EXOC8: variants seen among roughly 807,000 people sequenced by gnomAD.
EXOC8 encodes exocyst complex component 8.
A neutral mutation model predicts 50.8 loss-of-function variants in EXOC8; 19 were observed. The ratio of observed to expected loss-of-function variants is 0.37; its 90% CI spans 0.26 to 0.55. The LOEUF (loss-of-function observed/expected upper bound fraction) is 0.55, where lower values mean the gene tolerates loss of function less well. Among genes scored for constraint, EXOC8 ranks in the 20% least tolerant of loss-of-function variants. The pLI is 0.80. For synonymous variants in EXOC8, 384 were observed against 367.9 expected (o/e 1.04, Z -0.50); for missense variants, 781 against 915.8 (o/e 0.85, Z 1.90).
In EXOC8 at chr1:231,336,410, G is replaced by T. The variant is rs757532802; in HGVS notation, c.1336C>A (p.Leu446Ile). The T allele has an allele frequency of 6.2e-7, 1 of 1,614,066 alleles. No individual in the cohort carries two copies. The highest frequency in any genetic ancestry group is 1.1e-5 in the South Asian group (1 of 91,086). ...AAAVHTAIRQLRIEGATLLYI... is the reference protein window; with the variant it reads ...AAAVHTAIRQIRIEGATLLYI... ...AGTAAAGTGGCACCTTCGATGCGAA[G>T]CTGACGAATTGCAGTATGAACAGCG... The change falls in exon 1 of 1, where the codon CTT becomes ATT. Residue 446 changes from leucine (L) to isoleucine (I), a missense_variant. By Grantham distance (5) the Leu-to-Ile change is conservative. Coordinates refer to ENST00000366645, the MANE Select transcript of EXOC8 (RefSeq NM_175876.5). The surrounding 1 kb of genome is among the most constrained non-coding windows in gnomAD (Gnocchi z 5.4).
Position 231,337,800 on chromosome 1 carries a change from C to T in EXOC8, c.-55G>A, listed in dbSNP as rs1686721185. ...ACTATCGGCGCCGCAGCCGCCGCGG[C>T]TGTCTAGACCCACCCAAGGCCAACC... On this transcript the variant is annotated 5_prime_UTR_variant, in exon 1 of 1. Transcript: ENST00000366645. This position sits in a 1 kb window ranked among gnomAD's most constrained non-coding sequence, Gnocchi z 5.9. 1.3e-6 allele frequency: 2 copies of T among 1,526,874 alleles called. No individual in the cohort carries two copies. Among genetic ancestry groups the T allele is most frequent in the Admixed American group, 4.3e-5 (2 of 46,042 alleles). 94.6% of individuals were successfully genotyped at this position (1,526,874 alleles called of 1,614,324 possible).
chr1:231,335,677 T>G lies in EXOC8; in HGVS notation c.2069A>C (p.Glu690Ala). 2 of 1,614,198 alleles carry G rather than the reference T, an allele frequency of 1.2e-6. No individual in the cohort carries two copies. Among genetic ancestry groups the G allele is most frequent in the East Asian group, 4.5e-5 (2 of 44,886 alleles). The part of the protein sequence containing the change: ...FLYETVLPVV[E>A]KRFEEGVGKP... Reference sequence around the variant, plus strand: ...CCCCACACCTTCTTCAAACCTTTTCTCCACCACAGGGAGGACTGTTTCATA... The same window carrying G: ...CCCCACACCTTCTTCAAACCTTTTCGCCACCACAGGGAGGACTGTTTCATA... The change falls in exon 1 of 1, where the codon GAG becomes GCG. Residue 690 changes from glutamate (E) to alanine (A), a missense_variant. Physicochemically the swap from Glu to Ala is moderately radical, Grantham distance 107. Coordinates refer to ENST00000366645, the MANE Select transcript of EXOC8 (RefSeq NM_175876.5).
Position 231,337,180 on chromosome 1 carries a change from A to G in EXOC8, c.566T>C (p.Leu189Pro). 6.2e-7 allele frequency: 1 copy of G among 1,614,106 alleles called. No homozygotes were observed. The highest frequency in any genetic ancestry group is 8.5e-7 in the Non-Finnish European group (1 of 1,180,032). Residue 189 changes from leucine to proline, a missense_variant, in exon 1 of 1, where the codon CTA (leucine) becomes CCA (proline). By Grantham distance (98) the Leu-to-Pro change is moderately conservative. Around this residue, in one of 3 missense-constraint regions of EXOC8, gnomAD observed 700 missense variants for 804.1 expected, o/e 0.87. Transcript: ENST00000366645. The surrounding 1 kb of genome is among the most constrained non-coding windows in gnomAD (Gnocchi z 5.9). ...PGQYLVYNGD[L>P]VEYDADHMAQ... is the part of the protein sequence containing the mutation. ...CATGTGGTCCGCATCGTATTCCACTAGGTCCCCATTGTACACCAAGTACTG... is the reference window on the plus strand; with the variant it reads ...CATGTGGTCCGCATCGTATTCCACTGGGTCCCCATTGTACACCAAGTACTG...
chr1:231,333,524 A>T lies in EXOC8; in HGVS notation c.*2044T>A, dbSNP rs1226870373. 1 of 152,648 alleles carries T rather than the reference A, an allele frequency of 6.6e-6. No individual in the cohort carries two copies. Among genetic ancestry groups the T allele is most frequent in the Non-Finnish European group, 1.5e-5 (1 of 68,030 alleles). 9.5% of individuals were successfully genotyped at this position (152,648 alleles called of 1,614,324 possible). A position where few individuals can be genotyped will look rare whatever the true frequency, so the allele number is the denominator to read the frequency against. ...TGATTTCAGAAGTATCATTCCACAGACTCAGCATCATATATTTATACATAT... is the reference window on the plus strand; with the variant it reads ...TGATTTCAGAAGTATCATTCCACAGTCTCAGCATCATATATTTATACATAT... On this transcript the variant is annotated 3_prime_UTR_variant, in exon 1 of 1. Transcript: ENST00000366645.
chr1:231,334,537 T>C lies in EXOC8; in HGVS notation c.*1031A>G, dbSNP rs1686624799. The C allele has an allele frequency of 1.3e-5, 2 of 152,220 alleles. No homozygotes were observed. The highest frequency in any genetic ancestry group is 4.8e-5 in the African/African-American group (2 of 41,454). 9.4% of individuals were successfully genotyped at this position (152,220 alleles called of 1,614,324 possible). A position where few individuals can be genotyped will look rare whatever the true frequency, so the allele number is the denominator to read the frequency against. On this transcript the variant is annotated 3_prime_UTR_variant, in exon 1 of 1. Coordinates refer to ENST00000366645, the MANE Select transcript of EXOC8 (RefSeq NM_175876.5). Reference sequence around the variant, plus strand: ...CCCAATGTGTCTTGCTTATTATTTTTTAAAATGTGACAAAGACAAAAGCTA... The same window carrying C: ...CCCAATGTGTCTTGCTTATTATTTTCTAAAATGTGACAAAGACAAAAGCTA...
rs943359564 is a variant in EXOC8 at position 231,336,775 on chromosome 1, T to G, written c.971A>C (p.Glu324Ala). The change falls in exon 1 of 1, where the codon GAG (glutamate) becomes GCG (alanine). Residue 324 changes from glutamate (E) to alanine (A), a missense_variant. Around this residue, in one of 3 missense-constraint regions of EXOC8, gnomAD observed 700 missense variants for 804.1 expected, o/e 0.87. Coordinates refer to ENST00000366645, the MANE Select transcript of EXOC8 (RefSeq NM_175876.5). The surrounding 1 kb of genome is among the most constrained non-coding windows in gnomAD (Gnocchi z 5.4). Reference sequence around the variant, plus strand: ...GAGGTCCACCTTCTCTTCCTCTACCTCAGGAACAGCTGGTTCTTCTTCTTC... The same window carrying G: ...GAGGTCCACCTTCTCTTCCTCTACCGCAGGAACAGCTGGTTCTTCTTCTTC... ...DDEEEEPAVP[E>A]VEEEKVDLSM... 2.5e-6 allele frequency: 4 copies of G among 1,614,186 alleles called. No individual in the cohort carries two copies. Among genetic ancestry groups the G allele is most frequent in the Non-Finnish European group, 8.5e-7 (1 of 1,180,044 alleles).
rs1442330796 is a variant in EXOC8, at chr1:231,336,147, A to G, written c.1599T>C (p.Gly533=). ...KVAKEHCQQL[G]DIGLDLTFII... Reference sequence around the variant, plus strand: ...TGAAGGTGAGATCCAGTCCGATATCACCCAGTTGCTGGCAATGCTCCTTAG... The same window carrying G: ...TGAAGGTGAGATCCAGTCCGATATCGCCCAGTTGCTGGCAATGCTCCTTAG... Residue 533 remains glycine, a synonymous_variant, in exon 1 of 1, where the codon GGT becomes GGC. Transcript: ENST00000366645. This position sits in a 1 kb window ranked among gnomAD's most constrained non-coding sequence, Gnocchi z 5.4. 2 of 1,614,020 alleles carry G rather than the reference A, an allele frequency of 1.2e-6. No individual in the cohort carries two copies. Among genetic ancestry groups the G allele is most frequent in the Non-Finnish European group, 1.7e-6 (2 of 1,180,030 alleles).
In EXOC8 at chr1:231,334,789, T is replaced by G. The variant is rs1219694166; in HGVS notation, c.*779A>C. ...TATCTGAATCCACAAACCAGCTAGT[T>G]TCAAGAAAGAATTCTTTTGACTAAA... is the stretch of plus-strand genomic sequence containing the variant. On this transcript the variant is annotated 3_prime_UTR_variant, in exon 1 of 1. Coordinates refer to ENST00000366645, the MANE Select transcript of EXOC8 (RefSeq NM_175876.5). The G allele has an allele frequency of 6.6e-6, 1 of 152,194 alleles. No homozygotes were observed. Among genetic ancestry groups the G allele is most frequent in the African/African-American group, 2.4e-5 (1 of 41,458 alleles). The allele number at this position is 152,194 out of a possible 1,614,324, so 9.4% of individuals were successfully genotyped here.
rs537820933 is a variant in EXOC8, at chr1:231,335,016, GA to G, written c.*551del. 8.9e-3 allele frequency: 1,325 copies of G among 148,066 alleles called. 11 individuals carry two copies. Among genetic ancestry groups the G allele is most frequent in the Non-Finnish European group, 0.012 (825 of 67,278 alleles). The allele number at this position is 148,066 out of a possible 1,614,324, so 9.2% of individuals were successfully genotyped here. On this transcript the variant is annotated 3_prime_UTR_variant, in exon 1 of 1. Coordinates refer to ENST00000366645, the MANE Select transcript of EXOC8 (RefSeq NM_175876.5). The stretch of plus-strand genomic sequence containing the variant: ...ACTGCTGTATAATATATACTGTGGG[GA>G]AAAAAAAAAAGAAGAAAGAAAAGAC...
In EXOC8 at chr1:231,337,739, T is replaced by C; in HGVS notation, c.7A>G (p.Met3Val). The C allele has an allele frequency of 6.3e-7, 1 of 1,595,354 alleles. No individual in the cohort carries two copies. The highest frequency in any genetic ancestry group is 8.5e-7 in the Non-Finnish European group (1 of 1,171,618). MA[M>V]AMSDSGASRL... is the part of the protein sequence containing the mutation. Reference sequence around the variant, plus strand: ...CTCGCCCCACTGTCCGACATCGCCATCGCCATTTCTCTCCGGGTCTCACGC... The same window carrying C: ...CTCGCCCCACTGTCCGACATCGCCACCGCCATTTCTCTCCGGGTCTCACGC... Residue 3 changes from methionine (M) to valine (V), a missense_variant, in exon 1 of 1, where the codon ATG (methionine) becomes GTG (valine). Around this residue, in one of 3 missense-constraint regions of EXOC8, gnomAD observed 700 missense variants for 804.1 expected, o/e 0.87. Coordinates refer to ENST00000366645, the MANE Select transcript of EXOC8 (RefSeq NM_175876.5). This position sits in a 1 kb window ranked among gnomAD's most constrained non-coding sequence, Gnocchi z 5.9.
chr1:231,337,622 G>A lies in EXOC8; in HGVS notation c.124C>T (p.Gln42Ter). 1 of 1,611,598 alleles carries A rather than the reference G, an allele frequency of 6.2e-7. No individual in the cohort carries two copies. Among genetic ancestry groups the A allele is most frequent in the Non-Finnish European group, 8.5e-7 (1 of 1,179,986 alleles). Reference protein sequence around the residue: ...SQQSDGDRDLQEHRQRIQALA... With the variant: ...SQQSDGDRDL The stretch of plus-strand genomic sequence containing the variant: ...GCCTGGATGCGCTGCCGGTGCTCCT[G>A]GAGGTCCCGGTCCCCATCCGACTGC... The change falls in exon 1 of 1, where the codon CAG (glutamine) becomes TAG (stop). Residue 42 changes from glutamine to a stop codon, truncating the protein, a stop_gained. Transcript: ENST00000366645. LOFTEE classifies it high-confidence loss of function. This position sits in a 1 kb window ranked among gnomAD's most constrained non-coding sequence, Gnocchi z 5.9.
rs1187273940 is a variant in EXOC8 at position 231,337,112 on chromosome 1, A to C, written c.634T>G (p.Leu212Val). The C allele has an allele frequency of 6.2e-7, 1 of 1,614,050 alleles. No individual in the cohort carries two copies. Among genetic ancestry groups the C allele is most frequent in the African/African-American group, 1.3e-5 (1 of 74,938 alleles). The change falls in exon 1 of 1, where the codon TTG (leucine) becomes GTG (valine). Residue 212 changes from leucine (L) to valine (V), a missense_variant. Physicochemically the swap from Leu to Val is conservative, Grantham distance 32 (BLOSUM62 1). Coordinates refer to ENST00000366645, the MANE Select transcript of EXOC8 (RefSeq NM_175876.5). This position sits in a 1 kb window ranked among gnomAD's most constrained non-coding sequence, Gnocchi z 5.9. ...RVHGFLMNDC[L>V]LVATWLPQRR... ...TGAGGCAGCCAGGTAGCCACCAACA[A>C]GCAATCGTTCATGAGAAAGCCGTGC... is the stretch of plus-strand genomic sequence containing the variant.
chr1:231,336,657 C>T lies in EXOC8; in HGVS notation c.1089G>A (p.Leu363=). Residue 363 remains leucine (L), a synonymous_variant, in exon 1 of 1, where the codon TTG becomes TTA. Coordinates refer to ENST00000366645, the MANE Select transcript of EXOC8 (RefSeq NM_175876.5). The surrounding 1 kb of genome is among the most constrained non-coding windows in gnomAD (Gnocchi z 5.4). ...FEGAVDLLDK[L]NHYLEDKPSP... is the part of the protein sequence containing the mutation. ...TAGGTTTATCTTCCAGGTAATGGTT[C>T]AATTTATCCAGCAGGTCAACCGCCC... is the stretch of plus-strand genomic sequence containing the variant. 1 of 1,614,210 alleles carries T rather than the reference C, an allele frequency of 6.2e-7. No individual in the cohort carries two copies. The highest frequency in any genetic ancestry group is 8.5e-7 in the Non-Finnish European group (1 of 1,180,040).
In EXOC8 at chr1:231,337,562, T is replaced by A. The variant is rs1452812693; in HGVS notation, c.184A>T (p.Asn62Tyr). The A allele has an allele frequency of 6.2e-7, 1 of 1,613,048 alleles. No homozygotes were observed. Among genetic ancestry groups the A allele is most frequent in the Admixed American group, 1.7e-5 (1 of 59,998 alleles). ...AACTGCCGGTAGTTCTGGTAGACGT[T>A]GCGCTTCAGGTTCTGCGCCGTCTCC... The part of the protein sequence containing the change: ...AEETAQNLKR[N>Y]VYQNYRQFIE... Residue 62 changes from asparagine (N) to tyrosine (Y), a missense_variant, in exon 1 of 1, where the codon AAC (asparagine) becomes TAC (tyrosine). This residue lies in a region of EXOC8 where 700 missense variants were observed against 804.1 expected (regional missense o/e 0.87). Coordinates refer to ENST00000366645, the MANE Select transcript of EXOC8 (RefSeq NM_175876.5). The surrounding 1 kb of genome is among the most constrained non-coding windows in gnomAD (Gnocchi z 5.9).
rs773167890 is a variant in EXOC8, at chr1:231,336,850, C to G, written c.896G>C (p.Arg299Pro). 6.2e-7 allele frequency: 1 copy of G among 1,614,084 alleles called. No individual in the cohort carries two copies. The highest frequency in any genetic ancestry group is 8.5e-7 in the Non-Finnish European group (1 of 1,180,034). ...RREQEEAAAP[R>P]GPPQVTSKAT... ...CTTGGAAGTCACTTGGGGTGGCCCT[C>G]GAGGGGCCGCTGCCTCCTCCTGCTC... Residue 299 changes from arginine (R) to proline (P), a missense_variant, in exon 1 of 1, where the codon CGA becomes CCA. Physicochemically the swap from Arg to Pro is moderately radical, Grantham distance 103. Around this residue, in one of 3 missense-constraint regions of EXOC8, gnomAD observed 700 missense variants for 804.1 expected, o/e 0.87. Transcript: ENST00000366645. This position sits in a 1 kb window ranked among gnomAD's most constrained non-coding sequence, Gnocchi z 5.4.
chr1:231,337,825 C>A lies in EXOC8; in HGVS notation c.-80G>T, dbSNP rs1686722468. On this transcript the variant is annotated 5_prime_UTR_variant, in exon 1 of 1. Coordinates refer to ENST00000366645, the MANE Select transcript of EXOC8 (RefSeq NM_175876.5). This position sits in a 1 kb window ranked among gnomAD's most constrained non-coding sequence, Gnocchi z 5.9. ...CTGTCTAGACCCACCCAAGGCCAAC[C>A]GAGCTCCTGGGCTGAGGAAGCAGGA... The A allele has an allele frequency of 6.7e-7, 1 of 1,500,180 alleles. No individual in the cohort carries two copies. Among genetic ancestry groups the A allele is most frequent in the East Asian group, 2.3e-5 (1 of 43,382 alleles). The allele number at this position is 1,500,180 out of a possible 1,614,324, so 92.9% of individuals were successfully genotyped here.
chr1:231,336,474 G>A lies in EXOC8; in HGVS notation c.1272C>T (p.Cys424=). 6.2e-7 allele frequency: 1 copy of A among 1,613,768 alleles called. No individual in the cohort carries two copies. The highest frequency in any genetic ancestry group is 8.5e-7 in the Non-Finnish European group (1 of 1,179,890). ...TCAAAAATAGCTCACAGGCCTTCGTGCACTGGCCCAGCCGGATCAGTTGCG... is the reference window on the plus strand; with the variant it reads ...TCAAAAATAGCTCACAGGCCTTCGTACACTGGCCCAGCCGGATCAGTTGCG... ...AVSQLIRLGQ[C]TKACELFLRN... The change falls in exon 1 of 1, where the codon TGC becomes TGT. Residue 424 remains cysteine, a synonymous_variant. Transcript: ENST00000366645. The surrounding 1 kb of genome is among the most constrained non-coding windows in gnomAD (Gnocchi z 5.4).
In EXOC8 at chr1:231,336,832, G is replaced by A; in HGVS notation, c.914C>T (p.Thr305Ile). Residue 305 changes from threonine (T) to isoleucine (I), a missense_variant, in exon 1 of 1, where the codon ACT becomes ATT. Around this residue, in one of 3 missense-constraint regions of EXOC8, gnomAD observed 700 missense variants for 804.1 expected, o/e 0.87. Transcript: ENST00000366645. The surrounding 1 kb of genome is among the most constrained non-coding windows in gnomAD (Gnocchi z 5.4). ...AAAPRGPPQV[T>I]SKATNPFEDD... ...CTCAAATGGGTTAGTGGCCTTGGAA[G>A]TCACTTGGGGTGGCCCTCGAGGGGC... 6.2e-7 allele frequency: 1 copy of A among 1,614,146 alleles called. No homozygotes were observed. Among genetic ancestry groups the A allele is most frequent in the Non-Finnish European group, 8.5e-7 (1 of 1,180,038 alleles).
In EXOC8 at chr1:231,336,184, C is replaced by T; in HGVS notation, c.1562G>A (p.Cys521Tyr). The T allele has an allele frequency of 6.2e-7, 1 of 1,614,168 alleles. No homozygotes were observed. Residue 521 changes from cysteine to tyrosine, a missense_variant, in exon 1 of 1, where the codon TGT becomes TAT. Cys to Tyr is a radical substitution (Grantham distance 194, BLOSUM62 -2). This residue lies in a region of EXOC8 where 700 missense variants were observed against 804.1 expected (regional missense o/e 0.87). Transcript: ENST00000366645. The surrounding 1 kb of genome is among the most constrained non-coding windows in gnomAD (Gnocchi z 5.4). ...SKESLSTAAE[C>Y]VKVAKEHCQQ... ...GCAATGCTCCTTAGCCACTTTTACA[C>T]ACTCAGCTGCTGTAGAGAGGCTCTC...
Sources: gnomAD v4.1 joint callset for allele counts on GRCh38, gnomAD v4.1.1 for gene constraint, gnomAD v4.1.1 regional missense constraint, Gnocchi (gnomAD v3.1) non-coding constraint, MANE v1.5 for transcripts, NCBI Gene and HGNC (gene_info 2026-07-23, HGNC 2026-07-21) for gene names.